PTPRM: variants seen among roughly 807,000 people sequenced by gnomAD.
PTPRM encodes receptor-type tyrosine-protein phosphatase mu.
Under a neutral mutation model 186.7 loss-of-function variants are expected in PTPRM, and 47 were observed. The observed-to-expected ratio is 0.25, with a 90% CI of 0.20 to 0.32. The LOEUF (loss-of-function observed/expected upper bound fraction) is 0.32. Among genes scored for constraint, PTPRM ranks in the 10% least tolerant of loss-of-function variants. The pLI, the probability that PTPRM is intolerant of heterozygous loss-of-function variation, is 1.00. For missense variants in PTPRM, 1,494 were observed against 1,865.0 expected, an observed-to-expected ratio of 0.80 and a Z score of 3.66; for synonymous variants, 668 against 674.9, an observed-to-expected ratio of 0.99 and a Z score of 0.16.
chr18:7,874,784 A>G lies in PTPRM; in HGVS notation c.197-13322A>G, dbSNP rs1294710317. On this transcript the variant is annotated intron_variant, in intron 2 of 32. Coordinates refer to ENST00000580170, the MANE Select transcript of PTPRM (RefSeq NM_001105244.2). ...GTTTCTAGACCACCTACCTAAGGGA[A>G]TAAATCAAGATGCACTGAGTTCAGT... is the stretch of plus-strand genomic sequence containing the variant. Among the ~76,000 whole-genome samples, 4 of 152,230 alleles carry G rather than the reference A, an allele frequency of 2.6e-5. No homozygotes were observed. In the East Asian group the frequency reaches 7.7e-4, roughly 29 times the overall value.
At chr18:7,673,511 T>C (rs987208688) in intron 1 of PTPRM, among the ~76,000 whole-genome samples, 28 of 151,874 alleles carry the variant, frequency 1.8e-4, no homozygotes, top group African/African-American at 6.3e-4. Flanking sequence ...CCACCAAATA[T>C]AACAAACACA....
intron 1 of PTPRM, among the ~76,000 whole-genome samples, chr18:7,594,253 G>T (rs998808399): frequency 2.6e-5 from 4 of 152,086 alleles, no homozygotes; most frequent in African/African-American, 9.7e-5. Flanking sequence ...TAGCACTTTG[G>T]GTGGATCACC....
chr18:7,631,963 A>C (rs958543420), intron 1 of PTPRM, among the ~76,000 whole-genome samples: 2 of 152,232 alleles, frequency 1.3e-5, no homozygotes, highest in South Asian at 4.1e-4. Context: ...ATTCAAGTTA[A>C]AATCACAGGG....
intron 2 of PTPRM, among the ~76,000 whole-genome samples, chr18:7,833,627 G>T (rs4797302): frequency 0.52 from 79,267 of 151,772 alleles, 22,585 homozygotes; most frequent in East Asian, 0.8. Flanking sequence ...CCAGCTACTC[G>T]GGAGGCTGAG....
intron 19 of PTPRM, among the ~76,000 whole-genome samples, chr18:8,267,768 A>T (rs148794645): frequency 7.4e-4 from 113 of 152,324 alleles, no homozygotes; most frequent in Non-Finnish European, 1.3e-3. Flanking sequence ...CTCTGTAAGA[A>T]TGGTTACTTC....
At chr18:8,006,858 C>T (rs766462851) in intron 7 of PTPRM, among the ~76,000 whole-genome samples, 2 of 152,226 alleles carry the variant, frequency 1.3e-5, no homozygotes, top group Non-Finnish European at 2.9e-5. Flanking sequence ...TCCAACAAGT[C>T]ATTTGAATCC....
At chr18:8,056,865 A>G (rs1267859919) in intron 7 of PTPRM, among the ~76,000 whole-genome samples, 2 of 152,176 alleles carry the variant, frequency 1.3e-5, no homozygotes, top group Non-Finnish European at 1.5e-5. Context: ...CTTACTTTTA[A>G]CATGCACTAA....
intron 9 of PTPRM, among the ~76,000 whole-genome samples, chr18:8,077,668 T>C (rs1600429422): frequency 6.6e-6 from 1 of 152,168 alleles, no homozygotes; most frequent in African/African-American, 2.4e-5. Flanking sequence ...TTAGTTTTTA[T>C]TTTTGGCCCC....
rs188913685 is a variant in PTPRM, at chr18:7,774,126, C to T, written c.74-23C>T. ...AGAGGTCTGGTTGGTATTTACATTA[C>T]TTTTTATTCTTTTACATTTTAGGTG... On this transcript the variant is annotated intron_variant, in intron 1 of 32. Transcript: ENST00000580170. The T allele has an allele frequency of 4.6e-4, 740 of 1,595,084 alleles. 2 individuals are homozygous for T. The East Asian group carries it at 0.015, about 33-fold the overall frequency.
At position 7,638,901 on chromosome 18, in the gene PTPRM, A is replaced by G. The variant is rs911770501; in HGVS notation, c.73+71010A>G. On this transcript the variant is annotated intron_variant, in intron 1 of 32. Transcript: ENST00000580170. ...TTACGACACTTCTAAATCCAATTAA[A>G]TATTTTTCTACAGGCAACAATTATT... Among the ~76,000 whole-genome samples the G allele has an allele frequency of 3.0e-4, 46 of 152,220 alleles. 1 individual carries two copies.
At chr18:8,268,092 G>A (rs2094724299) in intron 19 of PTPRM, among the ~76,000 whole-genome samples, 2 of 152,042 alleles carry the variant, frequency 1.3e-5, no homozygotes, top group Admixed American at 1.3e-4. Flanking sequence ...TGGGAAACAT[G>A]GACAATTCAG....
intron 23 of PTPRM, among the ~76,000 whole-genome samples, chr18:8,362,620 A>G (rs2095603891): frequency 6.6e-6 from 1 of 152,082 alleles, no homozygotes; most frequent in South Asian, 2.1e-4. Context: ...CCTCTCTTCC[A>G]TATCCACCCA....
chr18:7,983,385 A>G (rs1568126601), intron 7 of PTPRM, among the ~76,000 whole-genome samples: 1 of 152,134 alleles, frequency 6.6e-6, no homozygotes, highest in Non-Finnish European at 1.5e-5. Flanking sequence ...GTCTTCTACA[A>G]CACTGGTCCC....
At chr18:7,960,509 G>A (rs1050393553) in intron 7 of PTPRM, among the ~76,000 whole-genome samples, 2 of 143,036 alleles carry the variant, frequency 1.4e-5, no homozygotes, top group East Asian at 2.0e-4. Flanking sequence ...ACACACACAC[G>A]TGTGGCCAAG....
At chr18:8,150,954 C>T (rs1317630400) in intron 14 of PTPRM, among the ~76,000 whole-genome samples, 2 of 152,140 alleles carry the variant, frequency 1.3e-5, no homozygotes, top group Admixed American at 6.5e-5. Context: ...GTATCACCAG[C>T]GGAGACAGCA....
chr18:7,666,441 G>T (rs375080613), intron 1 of PTPRM, among the ~76,000 whole-genome samples: 13 of 152,300 alleles, frequency 8.5e-5, no homozygotes, highest in East Asian at 1.9e-4. Context: ...GGGTGCTTTT[G>T]CTAGCATAAA....
intron 14 of PTPRM, among the ~76,000 whole-genome samples, chr18:8,200,890 A>G (rs2093846306): frequency 6.6e-6 from 1 of 152,236 alleles, no homozygotes; most frequent in Non-Finnish European, 1.5e-5. Flanking sequence ...ATTCCTTTAC[A>G]TAACTGCAAT....
chr18:8,383,296 C>CAAAAAAAAAAA (rs59442781), intron 29 of PTPRM, among the ~76,000 whole-genome samples: 7 of 30,430 alleles, frequency 2.3e-4, no homozygotes, highest in African/African-American at 4.0e-4. Context: ...GCTTCTGCCT[C>CAAAAAAAAAAA]AAAAAAAAAA....
At chr18:8,344,391 T>C (rs1244288717) in intron 23 of PTPRM, among the ~76,000 whole-genome samples, 5 of 149,984 alleles carry the variant, frequency 3.3e-5, no homozygotes, top group Admixed American at 6.7e-5. Context: ...AGGATATATA[T>C]ATATATACAT....
Sources: gnomAD v4.1 joint callset for allele counts (sites outside exome capture counted in the v4.1 genomes callset) on GRCh38, gnomAD v4.1.1 for gene constraint, MANE v1.5 for transcripts, NCBI Gene and HGNC (gene_info 2026-07-23, HGNC 2026-07-21) for gene names.